NRP2: variants seen among roughly 807,000 people sequenced by gnomAD.
NRP2 encodes the protein neuropilin-2.
Under a neutral mutation model 110.4 loss-of-function variants are expected in NRP2, and 52 were observed. That is an observed-to-expected ratio of 0.47 (90% CI 0.38 to 0.59). The LOEUF is 0.59. Among genes scored for constraint, NRP2 ranks in the 20% least tolerant of loss-of-function variants. The probability of loss-of-function intolerance (pLI) is 0.00; values close to 1 mark genes in which losing one functional copy is unlikely to be tolerated. For synonymous variants in NRP2, 508 were observed against 468.9 expected (o/e 1.08, Z -1.08); for missense variants, 1,049 against 1,203.0 (o/e 0.87, Z 1.89).
At chr2:205,687,438 AT>A (rs2307697) in intron 1 of NRP2, among the ~76,000 whole-genome samples, 1 of 151,950 alleles carries the variant, frequency 6.6e-6, no homozygotes, top group Non-Finnish European at 1.5e-5. Context: ...CCCAGTAAAC[AT>A]TTTTCCCCCG....
intron 2 of NRP2, among the ~76,000 whole-genome samples, chr2:205,705,391 A>G (rs556483629): frequency 6.6e-6 from 1 of 152,352 alleles, no homozygotes; most frequent in Non-Finnish European, 1.5e-5. Flanking sequence ...AAATTTTCTA[A>G]AAAGAAGAAG....
intron 2 of NRP2, among the ~76,000 whole-genome samples, chr2:205,708,408 G>C (rs535005617): frequency 6.6e-6 from 1 of 152,214 alleles, no homozygotes; most frequent in Non-Finnish European, 1.5e-5. Flanking sequence ...CCAGGTCAGC[G>C]AGGGAAATGG....
chr2:205,789,070 G>A (rs1223273932), intron 15 of NRP2, among the ~76,000 whole-genome samples: 1 of 152,150 alleles, frequency 6.6e-6, no homozygotes, highest in Non-Finnish European at 1.5e-5. Flanking sequence ...TCAAAGTAGT[G>A]AGCCAGTGAA....
At chr2:205,720,875 G>C (rs1044733740) in intron 3 of NRP2, among the ~76,000 whole-genome samples, 3 of 152,178 alleles carry the variant, frequency 2.0e-5, no homozygotes, top group Non-Finnish European at 4.4e-5. Context: ...ATGAATGATG[G>C]GGTGCAGAGC....
chr2:205,715,668 A>C (rs2056880500), intron 2 of NRP2, among the ~76,000 whole-genome samples: 1 of 152,140 alleles, frequency 6.6e-6, no homozygotes, highest in Non-Finnish European at 1.5e-5. Flanking sequence ...AAATAAACAA[A>C]TGTCTCTGAA....
intron 11 of NRP2, chr2:205,752,444 G>T: frequency 3.1e-6 from 1 of 321,392 alleles, no homozygotes; most frequent in South Asian, 2.8e-5. Flanking sequence ...CAGGAGATGA[G>T]ATAATACTTT....
intron 3 of NRP2, among the ~76,000 whole-genome samples, chr2:205,720,091 G>A (rs1177455620): frequency 3.1e-4 from 47 of 152,122 alleles, no homozygotes; most frequent in Non-Finnish European, 5.9e-5. Flanking sequence ...CTTTTGTGAT[G>A]CTGCAAACAG....
At chr2:205,752,758 T>C in intron 11 of NRP2, 77 bp from the exon 12 acceptor site, 24 of 1,525,608 alleles carry the variant, frequency 1.6e-5, no homozygotes, top group Non-Finnish European at 2.2e-5. Context: ...TTGCCAGCCA[T>C]TTAAATAGTA....
chr2:205,775,601 A>G (rs553358792), intron 15 of NRP2, among the ~76,000 whole-genome samples: 1 of 152,328 alleles, frequency 6.6e-6, no homozygotes, highest in South Asian at 2.1e-4. Flanking sequence ...AACAGTGGTG[A>G]TTGACCTGTC....
Position 205,686,869 on chromosome 2 carries a change from T to A in NRP2, c.73+3506T>A, listed in dbSNP as rs1426386948. Among the ~76,000 whole-genome samples, 2 of 152,180 alleles carry A rather than the reference T, an allele frequency of 1.3e-5. No individual in the cohort carries two copies. Among genetic ancestry groups the A allele is most frequent in the Non-Finnish European group, 2.9e-5 (2 of 68,018 alleles). ...GACAGAGAGGAGAGCCCCCTGGCGC[T>A]AGCCATTCCCGATCAGCGCCCACTA... On this transcript the variant is annotated intron_variant, in intron 1 of 16. Coordinates refer to ENST00000357785, the MANE Select transcript of NRP2 (RefSeq NM_003872.3). The surrounding 1 kb of genome is among the most constrained non-coding windows in gnomAD (Gnocchi z 4.7).
At chr2:205,730,157 T>C (rs1367205203) in intron 7 of NRP2, among the ~76,000 whole-genome samples, 1 of 152,224 alleles carries the variant, frequency 6.6e-6, no homozygotes, top group Non-Finnish European at 1.5e-5. Context: ...CCAGGGGCTT[T>C]CCTTGTCTCC....
chr2:205,776,337 G>A, intron 15 of NRP2: 1 of 1,612,802 alleles, frequency 6.2e-7, no homozygotes, highest in Non-Finnish European at 8.5e-7. Flanking sequence ...TGGCCGCCGG[G>A]GGCGCCGTGC....
intron 1 of NRP2, among the ~76,000 whole-genome samples, chr2:205,691,912 AT>A (rs1171355139): frequency 6.6e-6 from 1 of 152,170 alleles, no homozygotes; most frequent in Non-Finnish European, 1.5e-5. Flanking sequence ...TCAAACTTAC[AT>A]TTTACCGATT....
chr2:205,752,480 G>A (rs1413755452), intron 11 of NRP2: 2 of 340,242 alleles, frequency 5.9e-6, no homozygotes, highest in Non-Finnish European at 1.1e-5. Context: ...TTCCACCAGG[G>A]CACTGGGGAG....
At chr2:205,777,031 G>A in intron 15 of NRP2, 1 of 1,017,788 alleles carries the variant, frequency 9.8e-7, no homozygotes. Flanking sequence ...CGAGGGGTGA[G>A]TGTTCAGAGA....
At chr2:205,784,013 C>CAA (rs1553600694) in intron 15 of NRP2, among the ~76,000 whole-genome samples, 1 of 151,968 alleles carries the variant, frequency 6.6e-6, no homozygotes, top group Non-Finnish European at 1.5e-5. Context: ...CACACACACA[C>CAA]ACACACACAG....
At chr2:205,720,459 A>G (rs2056988612) in intron 3 of NRP2, among the ~76,000 whole-genome samples, 1 of 152,158 alleles carries the variant, frequency 6.6e-6, no homozygotes, top group African/African-American at 2.4e-5. Flanking sequence ...AGATTCCGCC[A>G]GAAAATTCCC....
Position 205,763,966 on chromosome 2 carries a change from T to A in NRP2, c.2307+30T>A. 2 of 1,613,226 alleles carry A rather than the reference T, an allele frequency of 1.2e-6. No individual in the cohort carries two copies. Among genetic ancestry groups the A allele is most frequent in the Non-Finnish European group, 1.7e-6 (2 of 1,179,558 alleles). ...GGTGAGCAAAAAGGGAATCTTGTGA[T>A]CCGTATTTCAATATTTCAAGGGCCG... On this transcript the variant is annotated intron_variant, in intron 13 of 16. Coordinates refer to ENST00000357785, the MANE Select transcript of NRP2 (RefSeq NM_003872.3). The surrounding 1 kb of genome is among the most constrained non-coding windows in gnomAD (Gnocchi z 4.0).
At chr2:205,691,384 G>C (rs1339372274) in intron 1 of NRP2, among the ~76,000 whole-genome samples, 2 of 152,194 alleles carry the variant, frequency 1.3e-5, no homozygotes. Flanking sequence ...CCAGGGGAAG[G>C]GGAAGGTGTG....
Sources: allele counts gnomAD v4.1 joint callset (sites outside exome capture counted in the v4.1 genomes callset), GRCh38; gene constraint gnomAD v4.1.1; non-coding constraint Gnocchi (gnomAD v3.1); transcripts MANE v1.5; gene names NCBI Gene and HGNC (gene_info 2026-07-23, HGNC 2026-07-21).